COL12A1: variants seen among roughly 807,000 people sequenced by gnomAD.
The protein encoded by COL12A1 is collagen alpha-1(XII) chain.
COL12A1 carries 114 observed loss-of-function variants against 349.7 expected under a neutral mutation model. The ratio of observed to expected loss-of-function variants is 0.33; its 90% CI spans 0.28 to 0.38. The LOEUF (loss-of-function observed/expected upper bound fraction) is 0.38. Among genes scored for constraint, COL12A1 ranks in the 10% least tolerant of loss-of-function variants. COL12A1 has a pLI of 1.00. For missense variants in COL12A1, 3,284 were observed against 3,756.9 expected (o/e 0.87, Z 3.29); for synonymous variants, 1,369 against 1,329.0 (o/e 1.03, Z -0.66).
chr6:75,119,208 AT>A, intron 45 of COL12A1, 22 bp from the exon 46 acceptor site: 1 of 1,613,772 alleles, frequency 6.2e-7, no homozygotes, highest in African/African-American at 1.3e-5. Flanking sequence ...GGCATGGAAA[AT>A]TTTAGTGTCA....
chr6:75,146,540 C>T (rs190963653), intron 23 of COL12A1, among the ~76,000 whole-genome samples: 64 of 152,248 alleles, frequency 4.2e-4, no homozygotes, highest in Non-Finnish European at 7.6e-4. Flanking sequence ...CTTCCTGATA[C>T]GTTACTCTCT....
chr6:75,113,350 AT>A, intron 50 of COL12A1, 37 bp from the exon 51 acceptor site: 1 of 1,275,088 alleles, frequency 7.8e-7, no homozygotes, highest in Non-Finnish European at 1.1e-6. Flanking sequence ...AATCATATGC[AT>A]TGTATAATTT....
In COL12A1 at chr6:75,156,501, C is replaced by G; in HGVS notation, c.3006G>C (p.Leu1002=). The G allele has an allele frequency of 6.2e-7, 1 of 1,613,566 alleles. No individual in the cohort carries two copies. The highest frequency in any genetic ancestry group is 1.3e-5 in the African/African-American group (1 of 74,988). The change falls in exon 15 of 66, where the codon CTG becomes CTC. Residue 1002 remains leucine, a synonymous_variant. Coordinates refer to ENST00000322507, the MANE Select transcript of COL12A1 (RefSeq NM_004370.6). ...TTELSQDSKT[L]KVDEETENTM... ...TGTTTTCTGTTTCTTCATCTACTTT[C>G]AGGGTTTTGGAATCTTGAGATACTG...
At chr6:75,129,119 G>A (rs1562176232) in intron 37 of COL12A1, among the ~76,000 whole-genome samples, 1 of 152,192 alleles carries the variant, frequency 6.6e-6, no homozygotes, top group Non-Finnish European at 1.5e-5. Context: ...AAAGTAAAGG[G>A]AAATTGCATA....
intron 2 of COL12A1, among the ~76,000 whole-genome samples, chr6:75,200,999 A>T (rs1770499380): frequency 6.6e-6 from 1 of 152,124 alleles, no homozygotes; most frequent in Non-Finnish European, 1.5e-5. Flanking sequence ...AAAAGATAAA[A>T]TATAATATGG....
chr6:75,204,927 C>T (rs1305677475), intron 1 of COL12A1, among the ~76,000 whole-genome samples: 3 of 152,066 alleles, frequency 2.0e-5, no homozygotes, highest in Non-Finnish European at 4.4e-5. Flanking sequence ...CTACAGAGTC[C>T]GGATCGAGAG....
At chr6:75,152,082 C>T in intron 19 of COL12A1, 49 bp downstream of exon 19, 1 of 1,613,670 alleles carries the variant, frequency 6.2e-7, no homozygotes, top group South Asian at 1.1e-5. Flanking sequence ...CAGCCACAAA[C>T]CTTAACCAGA....
chr6:75,201,615 G>A (rs1486549473), intron 2 of COL12A1, among the ~76,000 whole-genome samples: 1 of 150,784 alleles, frequency 6.6e-6, no homozygotes, highest in Non-Finnish European at 1.5e-5. Flanking sequence ...CTTCATCAGG[G>A]GTATTTCTTT....
intron 17 of COL12A1, among the ~76,000 whole-genome samples, chr6:75,152,888 T>C (rs1242631743): frequency 6.6e-6 from 1 of 152,126 alleles, no homozygotes; most frequent in African/African-American, 2.4e-5. Context: ...TGTAATGTAG[T>C]CAAATCATTA....
chr6:75,195,666 T>C (rs1770187669), intron 2 of COL12A1, among the ~76,000 whole-genome samples: 1 of 152,194 alleles, frequency 6.6e-6, no homozygotes, highest in African/African-American at 2.4e-5. Flanking sequence ...CAAAAGTTTA[T>C]TAAACTAATA....
chr6:75,190,387 G>T (rs1769867134), intron 5 of COL12A1, among the ~76,000 whole-genome samples: 1 of 151,890 alleles, frequency 6.6e-6, no homozygotes, highest in South Asian at 2.1e-4. Context: ...AGGGCTAAGG[G>T]AGCCTGATAG....
intron 46 of COL12A1, 25 bp from the exon 47 acceptor site, chr6:75,117,571 A>G: frequency 6.2e-7 from 1 of 1,601,480 alleles, no homozygotes; most frequent in Non-Finnish European, 8.5e-7. Context: ...TTATAGAATG[A>G]ATCACGTATC....
Position 75,123,404 on chromosome 6 carries a change from G to A in COL12A1, c.6872C>T (p.Thr2291Ile). ...TGTAGGGGCTTCTGTTGGTTTCACA[G>A]CTAAAATTTAAAAATAATAATTATA... ...GPGVSVKEHT[T>I]VKPTEAPTEP... Residue 2291 changes from threonine to isoleucine, a missense_variant and splice_region_variant, in exon 43 of 66, where the codon ACT becomes ATT. Thr to Ile is a moderately conservative substitution (Grantham distance 89). This residue lies in a region of COL12A1 where 2,601 missense variants were observed against 2,824.8 expected (regional missense o/e 0.92). Coordinates refer to ENST00000322507, the MANE Select transcript of COL12A1 (RefSeq NM_004370.6). 6.4e-7 allele frequency: 1 copy of A among 1,558,924 alleles called. No homozygotes were observed. Among genetic ancestry groups the A allele is most frequent in the Non-Finnish European group, 8.7e-7 (1 of 1,152,512 alleles).
At chr6:75,119,564 T>TG (rs1337003211) in intron 44 of COL12A1, 91 bp from the exon 45 acceptor site, 9 of 1,463,822 alleles carry the variant, frequency 6.1e-6, no homozygotes, top group African/African-American at 2.8e-5. Flanking sequence ...AATAAAGCGG[T>TG]GGGGGTGTAA....
intron 5 of COL12A1, among the ~76,000 whole-genome samples, chr6:75,190,675 C>T (rs1769881513): frequency 6.6e-6 from 1 of 151,754 alleles, no homozygotes; most frequent in African/African-American, 2.4e-5. Flanking sequence ...AGTGAATTTT[C>T]TGATGATGAT....
intron 65 of COL12A1, chr6:75,087,295 C>T (rs1767547776): frequency 1.5e-5 from 6 of 394,550 alleles, no homozygotes; most frequent in Non-Finnish European, 2.7e-5. Flanking sequence ...AAAAAAAAGT[C>T]AATTACTAGC....
intron 60 of COL12A1, among the ~76,000 whole-genome samples, chr6:75,093,815 C>A (rs1248996094): frequency 6.6e-6 from 1 of 152,010 alleles, no homozygotes; most frequent in Non-Finnish European, 1.5e-5. Context: ...ATTTAGAGAT[C>A]ATATTTCAAG....
At chr6:75,089,199 C>A in intron 63 of COL12A1, 25 bp from the exon 64 acceptor site, 1 of 1,549,584 alleles carries the variant, frequency 6.5e-7, no homozygotes, top group Non-Finnish European at 8.8e-7. Context: ...AAAGAGAAAG[C>A]ACAGGGGAAA....
chr6:75,147,001 A>T (rs1212995737), intron 23 of COL12A1, among the ~76,000 whole-genome samples: 1 of 152,216 alleles, frequency 6.6e-6, no homozygotes, highest in East Asian at 1.9e-4. Context: ...CCTAGAGCCC[A>T]ACCAAGAAGC....
Sources: allele counts gnomAD v4.1 joint callset (sites outside exome capture counted in the v4.1 genomes callset), GRCh38; gene constraint gnomAD v4.1.1; regional missense constraint gnomAD v4.1.1; transcripts MANE v1.5; gene names NCBI Gene and HGNC (gene_info 2026-07-23, HGNC 2026-07-21).